The following SH3TC2 variants were observed in gnomAD, a reference collection of about 807,000 sequenced individuals.
SH3TC2 encodes the protein SH3 domain and tetratricopeptide repeat-containing protein 2.
Under a neutral mutation model 124.5 loss-of-function variants are expected in SH3TC2, and 87 were observed. That is an observed-to-expected ratio of 0.70 (90% CI 0.59 to 0.84). The LOEUF is 0.84. Ranked by LOEUF, SH3TC2 falls within the 40% of genes least tolerant of loss-of-function variation. The probability of loss-of-function intolerance (pLI) is 0.00; values close to 1 mark genes in which losing one functional copy is unlikely to be tolerated. For synonymous variants in SH3TC2, 634 were observed against 628.5 expected (o/e 1.01, Z -0.13); for missense variants, 1,536 against 1,566.4 (o/e 0.98, Z 0.33).
At chr5:149,014,802 C>A (rs1218181021) in intron 12 of SH3TC2, among the ~76,000 whole-genome samples, 2 of 152,220 alleles carry the variant, frequency 1.3e-5, no homozygotes, top group African/African-American at 2.4e-5. Context: ...TTTCTCTCCC[C>A]ACTCTGTACC....
intron 1 of SH3TC2, among the ~76,000 whole-genome samples, chr5:149,060,109 C>T (rs17708530): frequency 0.029 from 4,458 of 152,278 alleles, 291 homozygotes; most frequent in Admixed American, 0.16. Context: ...AAGTTACAAG[C>T]ACCAGTGATC....
rs2127400982 is a variant in SH3TC2, at chr5:149,042,809, G to A, written c.414C>T (p.Leu138=). ...TGAGCCAGTACTTGTGGTCAAAGAG[G>A]AGATGTTCTAGACACATGGATACGT... The part of the protein sequence containing the change: ...LGYVSMCLEH[L]LFDHKYWLNC... Residue 138 remains leucine, a synonymous_variant, in exon 5 of 17, where the codon CTC becomes CTT. Transcript: ENST00000515425. 2 of 1,614,110 alleles carry A rather than the reference G, an allele frequency of 1.2e-6. No homozygotes were observed. The highest frequency in any genetic ancestry group is 1.7e-6 in the Non-Finnish European group (2 of 1,180,016).
At position 149,003,679 on chromosome 5, in the gene SH3TC2, C is replaced by G. The variant is rs970690410; in HGVS notation, c.*1032G>C. On this transcript the variant is annotated 3_prime_UTR_variant, in exon 17 of 17. Transcript: ENST00000515425. ...TTAATAGAGATGCTTTGTAAAGCAG[C>G]TGCCCTGAAATCAATAAGATGCCTT... 2 of 370,740 alleles carry G rather than the reference C, an allele frequency of 5.4e-6. No individual in the cohort carries two copies. Among genetic ancestry groups the G allele is most frequent in the African/African-American group, 4.3e-5 (2 of 46,806 alleles). 23.0% of individuals were successfully genotyped at this position (370,740 alleles called of 1,614,324 possible).
chr5:149,031,831 A>C, intron 8 of SH3TC2, 144 bp from the exon 9 acceptor site: 2 of 1,044,448 alleles, frequency 1.9e-6, no homozygotes, highest in Non-Finnish European at 2.9e-6. Context: ...TCCTCATCTC[A>C]CCATTGCATA....
chr5:149,004,955 G>A (rs1580886333), intron 16 of SH3TC2, 53 bp from the exon 17 acceptor site: 3 of 1,600,700 alleles, frequency 1.9e-6, no homozygotes, highest in Non-Finnish European at 2.6e-6. Context: ...AACACTTCCA[G>A]GACAGGCTAG....
In SH3TC2 at chr5:148,982,499, C is replaced by T. The variant is rs149300520; in HGVS notation, c.*22212G>A. 2.9e-3 allele frequency among the ~76,000 whole-genome samples: 434 copies of T among 152,208 alleles called. 2 individuals carry two copies. The highest frequency in any genetic ancestry group is 1.0e-2 in the African/African-American group (415 of 41,530). On this transcript the variant is annotated 3_prime_UTR_variant, in exon 17 of 17. Transcript: ENST00000515425. Reference sequence around the variant, plus strand: ...GTATCAAAAATAACCAAATTGACACCACTAGAGAACCAGCTAAATAAACTG... The same window carrying T: ...GTATCAAAAATAACCAAATTGACACTACTAGAGAACCAGCTAAATAAACTG...
At chr5:149,045,623 T>G (rs1321400217) in intron 3 of SH3TC2, 1 of 153,052 alleles carries the variant, frequency 6.5e-6, no homozygotes, top group African/African-American at 2.4e-5. Context: ...ACTATAAGCC[T>G]CTTGGGGGTT....
intron 9 of SH3TC2, among the ~76,000 whole-genome samples, chr5:149,031,119 T>G (rs1754184293): frequency 6.6e-6 from 1 of 152,192 alleles, no homozygotes; most frequent in Admixed American, 6.5e-5. Flanking sequence ...AGGCACTAAT[T>G]CGTTTAGGCC....
chr5:148,992,395 G>A lies in SH3TC2; in HGVS notation c.*12316C>T, dbSNP rs1372213916. The stretch of plus-strand genomic sequence containing the variant: ...CTCCATTTTTATCCATAAGCAGTAT[G>A]TATGTCAGTTCTCAGGCATCACCTG... On this transcript the variant is annotated 3_prime_UTR_variant, in exon 17 of 17. Transcript: ENST00000515425. Among the ~76,000 whole-genome samples, 1 of 152,146 alleles carries A rather than the reference G, an allele frequency of 6.6e-6. No homozygotes were observed. The highest frequency in any genetic ancestry group is 6.5e-5 in the Admixed American group (1 of 15,272).
chr5:149,035,899 A>G (rs1309640741), intron 8 of SH3TC2: 1 of 152,184 alleles, frequency 6.6e-6, no homozygotes. Context: ...AAGTCCAAAT[A>G]TAAGTTATGA....
intron 2 of SH3TC2, among the ~76,000 whole-genome samples, chr5:149,051,266 T>G (rs1334121842): frequency 6.6e-6 from 1 of 152,228 alleles, no homozygotes; most frequent in Non-Finnish European, 1.5e-5. Context: ...TTCAAAACTT[T>G]TTCTGCTTCT....
rs781671812 is a variant in SH3TC2, at chr5:149,027,817, C to T, written c.1915G>A (p.Ala639Thr). The change falls in exon 11 of 17, where the codon GCC becomes ACC. Residue 639 changes from alanine to threonine, a missense_variant. Ala to Thr is a moderately conservative substitution (Grantham distance 58). This residue lies in a region of SH3TC2 where 1,102 missense variants were observed against 1,098.6 expected (regional missense o/e 1.00). Transcript: ENST00000515425. ...SPLEARACFL[A>T]IRLLLSLGRH... Reference sequence around the variant, plus strand: ...CCTAGGCTCAGGAGCAAGCGGATGGCCAGAAAGCAGGCCCTGGCCTCCAGC... The same window carrying T: ...CCTAGGCTCAGGAGCAAGCGGATGGTCAGAAAGCAGGCCCTGGCCTCCAGC... 4 of 1,613,756 alleles carry T rather than the reference C, an allele frequency of 2.5e-6. No homozygotes were observed. Among genetic ancestry groups the T allele is most frequent in the Non-Finnish European group, 2.5e-6 (3 of 1,180,026 alleles).
intron 8 of SH3TC2, among the ~76,000 whole-genome samples, chr5:149,032,031 A>G (rs1461810084): frequency 6.6e-6 from 1 of 152,196 alleles, no homozygotes; most frequent in Non-Finnish European, 1.5e-5. Context: ...ACCCATTTTT[A>G]ATGGAAGAAA....
Position 148,995,420 on chromosome 5 carries a change from A to T in SH3TC2, c.*9291T>A, listed in dbSNP as rs1028695723. ...CACAACCATCATTACAGCTTCAGTA[A>T]AAGACCATGATTATCCCTGGTCAAA... On this transcript the variant is annotated 3_prime_UTR_variant, in exon 17 of 17. Coordinates refer to ENST00000515425, the MANE Select transcript of SH3TC2 (RefSeq NM_024577.4). Among the ~76,000 whole-genome samples, 1 of 152,194 alleles carries T rather than the reference A, an allele frequency of 6.6e-6. No homozygotes were observed. Among genetic ancestry groups the T allele is most frequent in the African/African-American group, 2.4e-5 (1 of 41,448 alleles).
chr5:149,026,060 C>T, intron 12 of SH3TC2: 1 of 153,736 alleles, frequency 6.5e-6, no homozygotes, highest in Non-Finnish European at 1.4e-5. Flanking sequence ...TTTTTTTTAC[C>T]ATGACATTTT....
At chr5:149,014,598 T>C (rs542128110) in intron 12 of SH3TC2, among the ~76,000 whole-genome samples, 12 of 152,212 alleles carry the variant, frequency 7.9e-5, no homozygotes, top group Non-Finnish European at 1.5e-4. Context: ...AAGCTTTCTC[T>C]TCCTCCCTGC....
intron 1 of SH3TC2, among the ~76,000 whole-genome samples, chr5:149,061,879 C>T (rs534724756): frequency 2.6e-5 from 4 of 152,162 alleles, no homozygotes; most frequent in East Asian, 1.9e-4. Flanking sequence ...TAGCTAAAGT[C>T]GTGCCTTTTG....
chr5:149,026,963 A>T lies in SH3TC2; in HGVS notation c.2769T>A (p.Phe923Leu). 1 of 1,614,202 alleles carries T rather than the reference A, an allele frequency of 6.2e-7. No individual in the cohort carries two copies. Among genetic ancestry groups the T allele is most frequent in the South Asian group, 1.1e-5 (1 of 91,086 alleles). ...ACACCAGAACTTGGGCCAACCAGAG[A>T]AACACCTGTACTAATTCCATGTCTG... ...KETDMELVQV[F>L]LWLAQVLVSG... The change falls in exon 11 of 17, where the codon TTT becomes TTA. Residue 923 changes from phenylalanine to leucine, a missense_variant. Phe to Leu is a conservative substitution (Grantham distance 22, BLOSUM62 0). This residue lies in a region of SH3TC2 where 426 missense variants were observed against 443.5 expected (regional missense o/e 0.96). Transcript: ENST00000515425.
At position 149,004,786 on chromosome 5, in the gene SH3TC2, G is replaced by A. The variant is rs1753657335; in HGVS notation, c.3792C>T (p.Pro1264=). 1 of 1,614,110 alleles carries A rather than the reference G, an allele frequency of 6.2e-7. No individual in the cohort carries two copies. The highest frequency in any genetic ancestry group is 8.5e-7 in the Non-Finnish European group (1 of 1,180,030). Residue 1264 remains proline (P), a synonymous_variant, in exon 17 of 17, where the codon CCC becomes CCT. Transcript: ENST00000515425. ...ACCCGGAGGGCCTGCTGTGCCACAG[G>A]GGGCTCTGGCAGATGTTGTCCAGCC... ...RSRLDNICQS[P]LWHSRPSGCS...
Sources: allele counts gnomAD v4.1 joint callset (sites outside exome capture counted in the v4.1 genomes callset), GRCh38; gene constraint gnomAD v4.1.1; regional missense constraint gnomAD v4.1.1; transcripts MANE v1.5; gene names NCBI Gene and HGNC (gene_info 2026-07-23, HGNC 2026-07-21).